Variants in ZNF410 observed in about 807,000 individuals in gnomAD.
ZNF410 encodes the protein another partner for ARF 1.
In ZNF410, 18 loss-of-function variants were observed where a neutral mutation model predicts 54.8. The observed-to-expected ratio is 0.33, with a 90% CI of 0.23 to 0.49. The LOEUF (loss-of-function observed/expected upper bound fraction) is 0.49. Ranked by LOEUF, ZNF410 falls within the 20% of genes least tolerant of loss-of-function variation. The probability of loss-of-function intolerance (pLI) is 0.99; values close to 1 mark genes in which losing one functional copy is unlikely to be tolerated. For synonymous variants in ZNF410, 191 were observed against 207.3 expected, an observed-to-expected ratio of 0.92 and a Z score of 0.68; for missense variants, 405 against 569.6, an observed-to-expected ratio of 0.71 and a Z score of 2.94.
In ZNF410 at chr14:73,903,991, G is replaced by A; in HGVS notation, c.612G>A (p.Gly204=). 1 of 1,614,170 alleles carries A rather than the reference G, an allele frequency of 6.2e-7. No homozygotes were observed. Among genetic ancestry groups the A allele is most frequent in the East Asian group, 2.2e-5 (1 of 44,890 alleles). ...GENVHLGSGD[G]QSKDSGPLPQ... is the part of the protein sequence containing the mutation. ...ATGTCCACCTTGGTTCTGGTGATGG[G>A]CAGTCAAAAGATTCTGGGCCCCTTC... The change falls in exon 6 of 12, where the codon GGG becomes GGA. Residue 204 remains glycine, a synonymous_variant. Transcript: ENST00000555044.
At chr14:73,922,256 G>T in intron 10 of ZNF410, 50 bp downstream of exon 10, 1 of 1,582,460 alleles carries the variant, frequency 6.3e-7, no homozygotes, top group Non-Finnish European at 8.6e-7. Flanking sequence ...TGCAACTAGG[G>T]GCTAAGGAAT....
At chr14:73,930,578 A>C (rs189537639) in intron 11 of ZNF410, among the ~76,000 whole-genome samples, 113 of 152,242 alleles carry the variant, frequency 7.4e-4, no homozygotes, top group Non-Finnish European at 1.5e-3. Context: ...TTTTGTTCTG[A>C]ATTTTACTGA....
At chr14:73,905,968 C>CACACACACATATATATAT (rs1461702433) in intron 7 of ZNF410, among the ~76,000 whole-genome samples, 5 of 78,944 alleles carry the variant, frequency 6.3e-5, no homozygotes, top group African/African-American at 2.1e-4. Context: ...CACACACACA[C>CACACACACATATATATAT]ATATATATAT....
chr14:73,926,626 G>T (rs1235116717), intron 11 of ZNF410, among the ~76,000 whole-genome samples: 1 of 152,070 alleles, frequency 6.6e-6, no homozygotes, highest in Non-Finnish European at 1.5e-5. Context: ...GTAGAGACGG[G>T]CTTTTACCAT....
intron 7 of ZNF410, among the ~76,000 whole-genome samples, chr14:73,906,689 G>C (rs1477386258): frequency 6.6e-6 from 1 of 151,772 alleles, no homozygotes; most frequent in African/African-American, 2.4e-5. Flanking sequence ...ATGTTGGCCA[G>C]GCTGTTCTCG....
chr14:73,924,574 G>A, intron 11 of ZNF410: 1 of 371,084 alleles, frequency 2.7e-6, no homozygotes, highest in Non-Finnish European at 5.2e-6. Context: ...ACTTCATCAC[G>A]AGCACATTTC....
chr14:73,911,348 G>A lies in ZNF410; in HGVS notation c.1003+1918G>A, dbSNP rs556020002. On this transcript the variant is annotated intron_variant, in intron 8 of 11. Coordinates refer to ENST00000555044, the MANE Select transcript of ZNF410 (RefSeq NM_021188.3). Reference sequence around the variant, plus strand: ...GGGAAACAAGGGGAAGCCAGAACATGACAAGTGGAGAGGAGGAACTGGAAA... The same window carrying A: ...GGGAAACAAGGGGAAGCCAGAACATAACAAGTGGAGAGGAGGAACTGGAAA... 1.4e-4 allele frequency among the ~76,000 whole-genome samples: 21 copies of A among 152,292 alleles called. No individual in the cohort carries two copies. In the South Asian group the frequency reaches 4.4e-3, roughly 32 times the overall value.
chr14:73,896,488 G>T lies in ZNF410; in HGVS notation c.342G>T (p.Gln114His). 6.2e-7 allele frequency: 1 copy of T among 1,614,120 alleles called. No individual in the cohort carries two copies. The highest frequency in any genetic ancestry group is 1.1e-5 in the South Asian group (1 of 91,084). ...CTTCTAGCTTGTTGCAAGATCTACA[G>T]CCAAGTGATAGCACTTCTTTTATTC... ...SESSSLLQDL[Q>H]PSDSTSFILL... Residue 114 changes from glutamine (Q) to histidine (H), a missense_variant, in exon 4 of 12, where the codon CAG becomes CAT. This residue lies in a region of ZNF410 where 247 missense variants were observed against 342.8 expected (regional missense o/e 0.72). Coordinates refer to ENST00000555044, the MANE Select transcript of ZNF410 (RefSeq NM_021188.3).
rs1168096193 is a variant in ZNF410, at chr14:73,931,983, G to GT, written c.*444dup. The GT allele has an allele frequency of 6.6e-6, 3 of 456,516 alleles. No homozygotes were observed. The highest frequency in any genetic ancestry group is 6.0e-5 in the African/African-American group (3 of 50,048). 28.3% of individuals were successfully genotyped at this position (456,516 alleles called of 1,614,324 possible). Reference sequence around the variant, plus strand: ...GGAAGTTGAGTTTTCAAGATGCCTTGTTGCTTTGAAGAAGGGAGTGATGTC... The same window carrying GT: ...GGAAGTTGAGTTTTCAAGATGCCTTGTTTGCTTTGAAGAAGGGAGTGATGTC... On this transcript the variant is annotated 3_prime_UTR_variant, in exon 12 of 12. Transcript: ENST00000555044.
At position 73,892,097 on chromosome 14, in the gene ZNF410, A is replaced by G. The variant is rs761264356; in HGVS notation, c.-79A>G. On this transcript the variant is annotated 5_prime_UTR_variant, in exon 2 of 12. Coordinates refer to ENST00000555044, the MANE Select transcript of ZNF410 (RefSeq NM_021188.3). ...TAGTATTTCCTAGAGGAATATGAAC[A>G]TAACAGGAAGGTATCATTGGCTCTG... is the stretch of plus-strand genomic sequence containing the variant. The G allele has an allele frequency of 2.1e-5, 30 of 1,444,730 alleles. No individual in the cohort carries two copies. The highest frequency in any genetic ancestry group is 2.8e-5 in the Non-Finnish European group (29 of 1,025,802). The allele number at this position is 1,444,730 out of a possible 1,614,324, so 89.5% of individuals were successfully genotyped here. A position where few individuals can be genotyped will look rare whatever the true frequency, so the allele number is the denominator to read the frequency against.
chr14:73,899,350 C>T lies in ZNF410; in HGVS notation c.580+1088C>T, dbSNP rs192488259. Among the ~76,000 whole-genome samples the T allele has an allele frequency of 3.4e-3, 517 of 151,824 alleles. 1 individual carries two copies. Among genetic ancestry groups the T allele is most frequent in the Non-Finnish European group, 6.3e-3 (429 of 67,976 alleles). On this transcript the variant is annotated intron_variant, in intron 5 of 11. Transcript: ENST00000555044. ...CTCAAACTCCTGGACTCAGGGTCTC[C>T]TCCTGCCTCTGGCTCCCTAAGTGCT...
chr14:73,894,907 A>G (rs2055290890), intron 3 of ZNF410, among the ~76,000 whole-genome samples: 1 of 152,134 alleles, frequency 6.6e-6, no homozygotes. Flanking sequence ...TCGTGCCTGT[A>G]ATCCCAGCAC....
chr14:73,889,549 C>T (rs576095979), intron 1 of ZNF410, among the ~76,000 whole-genome samples: 54 of 151,908 alleles, frequency 3.6e-4, no homozygotes, highest in African/African-American at 1.3e-3. Flanking sequence ...TCACTATTCA[C>T]GCCAATGATT....
intron 1 of ZNF410, among the ~76,000 whole-genome samples, chr14:73,887,724 G>T (rs1487631760): frequency 1.3e-5 from 2 of 152,218 alleles, no homozygotes; most frequent in African/African-American, 2.4e-5. Context: ...ATTGCACTTG[G>T]TTTTTTCTTA....
intron 7 of ZNF410, among the ~76,000 whole-genome samples, chr14:73,906,165 A>AT (rs1218554941): frequency 6.6e-6 from 1 of 151,274 alleles, no homozygotes; most frequent in African/African-American, 2.4e-5. Context: ...GGCCTAGCTA[A>AT]TTTTTTTTGT....
At chr14:73,889,494 A>G (rs1217676211) in intron 1 of ZNF410, among the ~76,000 whole-genome samples, 3 of 151,552 alleles carry the variant, frequency 2.0e-5, no homozygotes, top group African/African-American at 7.3e-5. Flanking sequence ...GAGAAAAGGA[A>G]TTCTTAGGCC....
At chr14:73,924,667 T>A in intron 11 of ZNF410, 1 of 446,792 alleles carries the variant, frequency 2.2e-6, no homozygotes, top group Non-Finnish European at 4.5e-6. Flanking sequence ...TTCCGTCTTT[T>A]CTCCTCTTTT....
intron 3 of ZNF410, among the ~76,000 whole-genome samples, chr14:73,895,671 C>T (rs1484434330): frequency 6.6e-6 from 1 of 151,988 alleles, no homozygotes; most frequent in Non-Finnish European, 1.5e-5. Flanking sequence ...GCTCATAAAA[C>T]ACAATATTAC....
intron 5 of ZNF410, among the ~76,000 whole-genome samples, chr14:73,901,222 T>A (rs1244672212): frequency 1.3e-5 from 2 of 152,166 alleles, no homozygotes; most frequent in Non-Finnish European, 2.9e-5. Flanking sequence ...GGCATCCACA[T>A]TACTTACAAA....
Sources: gnomAD v4.1 joint callset for allele counts (sites outside exome capture counted in the v4.1 genomes callset) on GRCh38, gnomAD v4.1.1 for gene constraint, gnomAD v4.1.1 regional missense constraint, MANE v1.5 for transcripts, NCBI Gene and HGNC (gene_info 2026-07-23, HGNC 2026-07-21) for gene names.